Variants in HTT observed in about 807,000 individuals in gnomAD.
HTT encodes the protein huntington disease protein.
A neutral mutation model predicts 362.3 loss-of-function variants in HTT; 104 were observed. The observed-to-expected ratio is 0.29, with a 90% CI of 0.24 to 0.34. HTT has a LOEUF of 0.34. Among genes scored for constraint, HTT ranks in the 10% least tolerant of loss-of-function variants. The probability of loss-of-function intolerance (pLI) is 1.00; values close to 1 mark genes in which losing one functional copy is unlikely to be tolerated. For missense variants in HTT, 3,301 were observed against 3,928.6 expected, an observed-to-expected ratio of 0.84 and a Z score of 4.27; for synonymous variants, 1,577 against 1,548.7, an observed-to-expected ratio of 1.02 and a Z score of -0.43.
At chr4:3,109,505 G>A (rs7686771) in intron 6 of HTT, among the ~76,000 whole-genome samples, 15,424 of 152,034 alleles carry the variant, frequency 0.1, 992 homozygotes, top group African/African-American at 0.19. Flanking sequence ...GATTACAGGC[G>A]TGAGCCACTG....
chr4:3,190,355 C>CAAA lies in HTT; in HGVS notation c.5368+1274_5368+1276dup, dbSNP rs112330064. Reference sequence around the variant, plus strand: ...CCCTGCCTCTTATTAAAAAAAAATCCAAAAAAAAAAAAAAGTAAACCTGAG... The same window carrying CAAA: ...CCCTGCCTCTTATTAAAAAAAAATCCAAAAAAAAAAAAAAAAAGTAAACCTGAG... On this transcript the variant is annotated intron_variant, in intron 40 of 66. Coordinates refer to ENST00000355072, the MANE Select transcript of HTT (RefSeq NM_001388492.1). Among the ~76,000 whole-genome samples, 668 of 132,158 alleles carry CAAA rather than the reference C, an allele frequency of 5.1e-3. 10 individuals carry two copies. The highest frequency in any genetic ancestry group is 0.017 in the African/African-American group (604 of 36,312). 86.7% of individuals were successfully genotyped at this position (132,158 alleles called of 152,430 possible).
chr4:3,233,851 G>T (rs772177499), intron 61 of HTT, among the ~76,000 whole-genome samples: 2 of 152,214 alleles, frequency 1.3e-5, no homozygotes, highest in Non-Finnish European at 1.5e-5. Flanking sequence ...AGCAAGTCAA[G>T]CTCTTCACAG....
intron 41 of HTT, among the ~76,000 whole-genome samples, chr4:3,201,164 T>A (rs1578583190): frequency 6.6e-6 from 1 of 152,372 alleles, no homozygotes; most frequent in South Asian, 2.1e-4. Flanking sequence ...CTGTGACTGT[T>A]TCGTGACCCC....
In HTT at chr4:3,240,217, G is replaced by A; in HGVS notation, c.*158G>A. ...ACGTGCGTGTCTCTGCCATGTGGCAGAAGTGCTCTTTGTGGCAGTGGCCAG... is the reference window on the plus strand; with the variant it reads ...ACGTGCGTGTCTCTGCCATGTGGCAAAAGTGCTCTTTGTGGCAGTGGCCAG... On this transcript the variant is annotated 3_prime_UTR_variant, in exon 67 of 67. Transcript: ENST00000355072. The A allele has an allele frequency of 1.6e-6, 1 of 640,216 alleles. No individual in the cohort carries two copies. Among genetic ancestry groups the A allele is most frequent in the Non-Finnish European group, 2.7e-6 (1 of 367,020 alleles). 39.7% of individuals were successfully genotyped at this position (640,216 alleles called of 1,614,324 possible). A position where few individuals can be genotyped will look rare whatever the true frequency, so the allele number is the denominator to read the frequency against.
chr4:3,113,471 AG>A (rs1326998782), intron 6 of HTT, among the ~76,000 whole-genome samples: 2 of 152,146 alleles, frequency 1.3e-5, no homozygotes, highest in African/African-American at 4.8e-5. Context: ...CTGAGACTGC[AG>A]GTGCGTACCA....
At chr4:3,089,500 G>A (rs1210000904) in intron 2 of HTT, among the ~76,000 whole-genome samples, 3 of 152,228 alleles carry the variant, frequency 2.0e-5, no homozygotes, top group Admixed American at 6.5e-5. Flanking sequence ...TGATCCGCCC[G>A]CCTCGGCCTC....
At chr4:3,091,259 G>A (rs1713492407) in intron 2 of HTT, among the ~76,000 whole-genome samples, 1 of 152,168 alleles carries the variant, frequency 6.6e-6, no homozygotes, top group South Asian at 2.1e-4. Flanking sequence ...TATGATGGGT[G>A]TAACATATAT....
At position 3,130,057 on chromosome 4, in the gene HTT, C is replaced by G; in HGVS notation, c.1867+10C>G. 1 of 1,590,974 alleles carries G rather than the reference C, an allele frequency of 6.3e-7. No homozygotes were observed. Among genetic ancestry groups the G allele is most frequent in the Non-Finnish European group, 8.5e-7 (1 of 1,170,782 alleles). On this transcript the variant is annotated intron_variant, in intron 13 of 66. Coordinates refer to ENST00000355072, the MANE Select transcript of HTT (RefSeq NM_001388492.1). ...AGGAACTCTTCCATGGGTATGTGGA[C>G]TACAGGTGATGCGCTACAAAGTGGT...
At chr4:3,088,432 C>T (rs1315846564) in intron 2 of HTT, among the ~76,000 whole-genome samples, 1 of 152,108 alleles carries the variant, frequency 6.6e-6, no homozygotes, top group Non-Finnish European at 1.5e-5. Context: ...ACTCAGCCTC[C>T]CAAAGTGCTG....
At chr4:3,085,668 G>A (rs1423180908) in intron 1 of HTT, among the ~76,000 whole-genome samples, 2 of 152,136 alleles carry the variant, frequency 1.3e-5, no homozygotes, top group African/African-American at 4.8e-5. Flanking sequence ...AAACTTCCAG[G>A]TTTGCTTATT....
intron 29 of HTT, among the ~76,000 whole-genome samples, chr4:3,167,335 T>A (rs1381753658): frequency 6.6e-6 from 1 of 152,148 alleles, no homozygotes; most frequent in African/African-American, 2.4e-5. Flanking sequence ...CCTCCTAGAG[T>A]GCTGGGATCA....
At chr4:3,141,440 G>A (rs773834309) in intron 22 of HTT, among the ~76,000 whole-genome samples, 3 of 152,090 alleles carry the variant, frequency 2.0e-5, no homozygotes, top group East Asian at 1.9e-4. Flanking sequence ...AATAAATAAC[G>A]TCTTTTTTCA....
intron 1 of HTT, among the ~76,000 whole-genome samples, chr4:3,076,202 A>C (rs962582435): frequency 6.6e-6 from 1 of 152,180 alleles, no homozygotes; most frequent in Admixed American, 6.5e-5. Flanking sequence ...GAGACCATTA[A>C]AACATCTAGC....
chr4:3,103,980 G>A, intron 4 of HTT, 97 bp downstream of exon 4: 3 of 720,086 alleles, frequency 4.2e-6, no homozygotes, highest in Non-Finnish European at 2.4e-6. Context: ...TATTTATGGG[G>A]TACATGAGAT....
intron 2 of HTT, among the ~76,000 whole-genome samples, chr4:3,096,466 G>A (rs1713862856): frequency 6.6e-6 from 1 of 152,142 alleles, no homozygotes; most frequent in Non-Finnish European, 1.5e-5. Context: ...GCAGATGCTG[G>A]GCCATAAAAC....
Position 3,078,484 on chromosome 4 carries a change from G to A in HTT, c.263+3396G>A, listed in dbSNP as rs546269892. Among the ~76,000 whole-genome samples, 6 of 152,356 alleles carry A rather than the reference G, an allele frequency of 3.9e-5. No individual in the cohort carries two copies. In the East Asian group the frequency reaches 7.7e-4, roughly 20 times the overall value. ...TTTTTATTTTTAAAAAAATTGTTAA[G>A]GGCTTTCCAGCAAAACCCAGAAAGC... On this transcript the variant is annotated intron_variant, in intron 1 of 66. Transcript: ENST00000355072.
chr4:3,136,115 G>A (rs960489300), intron 20 of HTT, 111 bp from the exon 21 acceptor site: 3 of 901,680 alleles, frequency 3.3e-6, no homozygotes, highest in Admixed American at 2.4e-5. Flanking sequence ...TTGTCATATG[G>A]ATTTAAGTCT....
intron 40 of HTT, among the ~76,000 whole-genome samples, chr4:3,190,393 C>A (rs555180317): frequency 1.3e-5 from 2 of 150,690 alleles, no homozygotes; most frequent in South Asian, 4.2e-4. Context: ...CTTCCTCCTC[C>A]TGTGTTAAAT....
At position 3,074,938 on chromosome 4, in the gene HTT, AGCCGCCACCGCC is replaced by A. The variant is rs1244671835; in HGVS notation, c.120_131del (p.Pro46_Pro49del). Reference sequence around the variant, plus strand: ...CAGCAGCAGCAGCAGCAGCAGCAACAGCCGCCACCGCCGCCGCCGCCGCCGCCGCCTCCTCAG... The same window carrying A: ...CAGCAGCAGCAGCAGCAGCAGCAACAGCCGCCGCCGCCGCCGCCTCCTCAG... On this transcript the variant is annotated inframe_deletion, in exon 1 of 67. Transcript: ENST00000355072. The A allele has an allele frequency of 1.3e-5, 16 of 1,272,136 alleles. No individual in the cohort carries two copies. The highest frequency in any genetic ancestry group is 3.3e-5 in the East Asian group (1 of 30,504). 78.8% of individuals were successfully genotyped at this position (1,272,136 alleles called of 1,614,324 possible).
Sources: gnomAD v4.1 joint callset for allele counts (sites outside exome capture counted in the v4.1 genomes callset) on GRCh38, gnomAD v4.1.1 for gene constraint, MANE v1.5 for transcripts, NCBI Gene and HGNC (gene_info 2026-07-23, HGNC 2026-07-21) for gene names.